L3MBTL4: variants seen among roughly 807,000 people sequenced by gnomAD.
L3MBTL4 encodes the protein lethal(3)malignant brain tumor-like protein 4.
In L3MBTL4, 70 loss-of-function variants were observed where a neutral mutation model predicts 84.5. The ratio of observed to expected loss-of-function variants is 0.83; its 90% CI spans 0.68 to 1.01. L3MBTL4 has a LOEUF of 1.01. L3MBTL4 is among the 50% of genes least tolerant of loss of function. The pLI is 0.00. For missense variants in L3MBTL4, 715 were observed against 754.8 expected (o/e 0.95, Z 0.62); for synonymous variants, 274 against 259.8 (o/e 1.05, Z -0.52).
At chr18:6,217,746 G>A (rs969472456) in intron 10 of L3MBTL4, among the ~76,000 whole-genome samples, 3 of 152,032 alleles carry the variant, frequency 2.0e-5, no homozygotes, top group Non-Finnish European at 2.9e-5. Context: ...ATTTATTCTT[G>A]ATATAGAGAA....
chr18:6,280,840 G>C (rs2049290881), intron 4 of L3MBTL4, among the ~76,000 whole-genome samples: 1 of 151,948 alleles, frequency 6.6e-6, no homozygotes, highest in African/African-American at 2.4e-5. Flanking sequence ...ATGGAGGAAG[G>C]GGCCATGAGC....
chr18:6,135,000 G>C (rs933341125), intron 14 of L3MBTL4, among the ~76,000 whole-genome samples: 2 of 152,174 alleles, frequency 1.3e-5, no homozygotes, highest in Non-Finnish European at 2.9e-5. Flanking sequence ...TTTTGCTTGG[G>C]CATCCAGGCA....
intron 12 of L3MBTL4, among the ~76,000 whole-genome samples, chr18:6,211,744 G>A (rs2046113805): frequency 6.6e-6 from 1 of 151,794 alleles, no homozygotes; most frequent in Non-Finnish European, 1.5e-5. Context: ...TGCCTCCCAG[G>A]CTCAAGCGAT....
At chr18:5,973,531 T>C (rs182922345) in intron 16 of L3MBTL4, among the ~76,000 whole-genome samples, 387 of 143,526 alleles carry the variant, frequency 2.7e-3, no homozygotes, top group Non-Finnish European at 4.0e-3. Flanking sequence ...ATATACTGAT[T>C]TTAACTTTTT....
At chr18:6,214,329 G>C (rs1240592633) in intron 11 of L3MBTL4, among the ~76,000 whole-genome samples, 3 of 151,896 alleles carry the variant, frequency 2.0e-5, no homozygotes, top group Admixed American at 2.0e-4. Context: ...CATAATCACG[G>C]AGTAAGAAAA....
intron 13 of L3MBTL4, among the ~76,000 whole-genome samples, chr18:6,141,858 T>G (rs143873996): frequency 8.6e-4 from 131 of 152,332 alleles, no homozygotes; most frequent in Non-Finnish European, 1.3e-3. Context: ...TTCAATGGCT[T>G]CTCATTGCTG....
chr18:6,262,420 C>T (rs2048446931), intron 5 of L3MBTL4, among the ~76,000 whole-genome samples: 1 of 152,206 alleles, frequency 6.6e-6, no homozygotes, highest in African/African-American at 2.4e-5. Context: ...AAATCCCTTA[C>T]CTTACTGAGC....
rs113776309 is a variant in L3MBTL4 at position 6,185,994 on chromosome 18, A to ATT, written c.982-14054_982-14053dup. ...ATTTTATTTTATTTTATTTTATTTT[A>ATT]TTATTTTATATTTTATTTTATTTTA... On this transcript the variant is annotated intron_variant, in intron 12 of 18. Coordinates refer to ENST00000317931, the MANE Select transcript of L3MBTL4 (RefSeq NM_001330559.2). 6.4e-3 allele frequency among the ~76,000 whole-genome samples: 937 copies of ATT among 145,614 alleles called. 16 individuals are homozygous for ATT. The highest frequency in any genetic ancestry group is 0.024 in the African/African-American group (898 of 37,070).
In L3MBTL4 at chr18:6,398,337, G is replaced by A. The variant is rs146121900; in HGVS notation, c.-91+16464C>T. 6.2e-3 allele frequency among the ~76,000 whole-genome samples: 941 copies of A among 152,290 alleles called. 6 individuals are homozygous for A. Among genetic ancestry groups the A allele is most frequent in the Non-Finnish European group, 0.01 (699 of 68,016 alleles). On this transcript the variant is annotated intron_variant, in intron 1 of 18. Coordinates refer to ENST00000317931, the MANE Select transcript of L3MBTL4 (RefSeq NM_001330559.2). ...GTGGCTCTGTAATGAATGGCCTGTG[G>A]CAGGTTAAGACAAAAGAATGCTGGA...
chr18:6,017,087 C>T (rs1370870299), intron 16 of L3MBTL4, among the ~76,000 whole-genome samples: 1 of 152,160 alleles, frequency 6.6e-6, no homozygotes, highest in Non-Finnish European at 1.5e-5. Flanking sequence ...ATGAGGTGAA[C>T]ACAACACCCT....
At chr18:5,974,985 A>T (rs1440030168) in intron 16 of L3MBTL4, among the ~76,000 whole-genome samples, 3 of 151,848 alleles carry the variant, frequency 2.0e-5, no homozygotes, top group African/African-American at 7.3e-5. Flanking sequence ...TTTTTTTTTA[A>T]AAAGAGGAAG....
intron 10 of L3MBTL4, among the ~76,000 whole-genome samples, chr18:6,232,390 T>C (rs2047034812): frequency 1.3e-5 from 2 of 152,222 alleles, no homozygotes; most frequent in African/African-American, 2.4e-5. Context: ...GGTAATTATG[T>C]TGGCCTCATA....
chr18:6,408,002 G>A (rs2055805502), intron 1 of L3MBTL4, among the ~76,000 whole-genome samples: 1 of 152,098 alleles, frequency 6.6e-6, no homozygotes, highest in Admixed American at 6.6e-5. Flanking sequence ...GCCCACCAGA[G>A]AGAGAAGATA....
chr18:6,183,882 A>T (rs2145394170), intron 12 of L3MBTL4, among the ~76,000 whole-genome samples: 1 of 152,336 alleles, frequency 6.6e-6, no homozygotes, highest in Admixed American at 6.5e-5. Context: ...CAAAGGGGAA[A>T]TATTATACAA....
intron 16 of L3MBTL4, among the ~76,000 whole-genome samples, chr18:5,975,584 C>T (rs763151839): frequency 1.3e-5 from 2 of 152,220 alleles, no homozygotes; most frequent in East Asian, 3.8e-4. Flanking sequence ...TCATGCCCTG[C>T]GTACTGAACG....
intron 13 of L3MBTL4, among the ~76,000 whole-genome samples, chr18:6,138,687 A>G (rs111929980): frequency 0.034 from 5,132 of 152,082 alleles, 305 homozygotes; most frequent in African/African-American, 0.12. Context: ...GAGTAGCTGG[A>G]ATTGCAGGCA....
At chr18:6,282,081 C>G (rs1335601038) in intron 4 of L3MBTL4, among the ~76,000 whole-genome samples, 1 of 152,156 alleles carries the variant, frequency 6.6e-6, no homozygotes, top group Non-Finnish European at 1.5e-5. Context: ...CTGAGCACAG[C>G]AAACAAAGTG....
rs1160431907 is a variant in L3MBTL4, at chr18:6,138,423, C to T, written c.1097-127G>A. Reference sequence around the variant, plus strand: ...ACAAACCATCACCAAAAACCACTTACAGGTGACTTACGATGTATTATTAAT... The same window carrying T: ...ACAAACCATCACCAAAAACCACTTATAGGTGACTTACGATGTATTATTAAT... On this transcript the variant is annotated intron_variant, in intron 13 of 18. Transcript: ENST00000317931. 1.7e-5 allele frequency: 10 copies of T among 590,494 alleles called. No individual in the cohort carries two copies. The East Asian group carries it at 2.0e-4, about 12-fold the overall frequency. 36.6% of individuals were successfully genotyped at this position (590,494 alleles called of 1,614,324 possible). A position where few individuals can be genotyped will look rare whatever the true frequency, so the allele number is the denominator to read the frequency against.
At chr18:6,295,371 T>C (rs1282202823) in intron 4 of L3MBTL4, among the ~76,000 whole-genome samples, 1 of 145,836 alleles carries the variant, frequency 6.9e-6, no homozygotes, top group Non-Finnish European at 1.5e-5. Flanking sequence ...TATATATATA[T>C]ACAGCCTTTA....
Sources: allele counts gnomAD v4.1 joint callset (sites outside exome capture counted in the v4.1 genomes callset), GRCh38; gene constraint gnomAD v4.1.1; transcripts MANE v1.5; gene names NCBI Gene and HGNC (gene_info 2026-07-23, HGNC 2026-07-21).